The following ITSN2 variants were observed in gnomAD, a reference collection of about 807,000 sequenced individuals.
ITSN2 encodes the protein intersectin 2.
In ITSN2, 156 loss-of-function variants were observed where a neutral mutation model predicts 243.7. That is an observed-to-expected ratio of 0.64 (90% CI 0.56 to 0.73). The LOEUF (loss-of-function observed/expected upper bound fraction) is 0.73, where lower values mean the gene tolerates loss of function less well. ITSN2 is among the 30% of genes least tolerant of loss of function. The probability of loss-of-function intolerance (pLI) is 0.00; values close to 1 mark genes in which losing one functional copy is unlikely to be tolerated. For synonymous variants in ITSN2, 703 were observed against 699.9 expected, an observed-to-expected ratio of 1.00 and a Z score of -0.07; for missense variants, 1,801 against 1,996.1, an observed-to-expected ratio of 0.90 and a Z score of 1.86.
intron 1 of ITSN2, among the ~76,000 whole-genome samples, chr2:24,340,857 G>C (rs927876356): frequency 6.6e-6 from 1 of 152,090 alleles, no homozygotes; most frequent in African/African-American, 2.4e-5. Flanking sequence ...ACATTATCCA[G>C]GGAAAGTACA....
intron 30 of ITSN2, 23 bp from the exon 31 acceptor site, chr2:24,218,036 C>CT: frequency 6.5e-7 from 1 of 1,547,208 alleles, no homozygotes; most frequent in East Asian, 2.2e-5. Flanking sequence ...CATAGAAAAA[C>CT]TAGTTAGCTT....
At position 24,308,654 on chromosome 2, in the gene ITSN2, A is replaced by T. The variant is rs1682859312; in HGVS notation, c.756T>A (p.Phe252Leu). The change falls in exon 8 of 40, where the codon TTT becomes TTA. Residue 252 changes from phenylalanine to leucine, a missense_variant. By Grantham distance (22) the Phe-to-Leu change is conservative (BLOSUM62 0). Coordinates refer to ENST00000355123, the MANE Select transcript of ITSN2 (RefSeq NM_006277.3). ...QPTRLKYRQK[F>L]NTLDKSMSGY... The stretch of plus-strand genomic sequence containing the variant: ...CACTCATACTTTTGTCAAGAGTATT[A>T]AATTTTTGCCGATATTTTAATCTTG... 6.5e-7 allele frequency: 1 copy of T among 1,538,328 alleles called. No individual in the cohort carries two copies. The highest frequency in any genetic ancestry group is 1.4e-5 in the African/African-American group (1 of 72,472).
intron 20 of ITSN2, among the ~76,000 whole-genome samples, chr2:24,264,765 T>C (rs1676445854): frequency 3.5e-4 from 1 of 2,896 alleles, no homozygotes; most frequent in African/African-American, 1.1e-3. Flanking sequence ...TCTGTTCCAT[T>C]GATCTATTTT....
chr2:24,212,738 G>T lies in ITSN2; in HGVS notation c.4001C>A (p.Ser1334Tyr). The T allele has an allele frequency of 6.2e-7, 1 of 1,614,122 alleles. No homozygotes were observed. Among genetic ancestry groups the T allele is most frequent in the Non-Finnish European group, 8.5e-7 (1 of 1,179,956 alleles). ...GGGCATTCCTTTACACCGCGGGTCA[G>T]ATGCCAGCTTCTGCAAAACAACAGT... is the stretch of plus-strand genomic sequence containing the variant. The part of the protein sequence containing the change: ...DFKEFLKKLA[S>Y]DPRCKGMPLS... The change falls in exon 33 of 40, where the codon TCT (serine) becomes TAT (tyrosine). Residue 1334 changes from serine to tyrosine, a missense_variant. Coordinates refer to ENST00000355123, the MANE Select transcript of ITSN2 (RefSeq NM_006277.3).
At chr2:24,207,465 T>C (rs1669015805) in intron 37 of ITSN2, among the ~76,000 whole-genome samples, 3 of 152,040 alleles carry the variant, frequency 2.0e-5, no homozygotes, top group Non-Finnish European at 4.4e-5. Context: ...CAGGTGGTTC[T>C]CTGGAGGGTG....
chr2:24,240,742 T>C (rs768140346), intron 29 of ITSN2: 11 of 152,264 alleles, frequency 7.2e-5, no homozygotes, highest in Admixed American at 3.9e-4. Context: ...TGATTGTATA[T>C]ACACTTTTCC....
intron 1 of ITSN2, among the ~76,000 whole-genome samples, chr2:24,335,371 C>T (rs1686249807): frequency 6.6e-6 from 1 of 152,162 alleles, no homozygotes; most frequent in South Asian, 2.1e-4. Flanking sequence ...ATCACCCTGC[C>T]ACGCAGGCTG....
intron 30 of ITSN2, among the ~76,000 whole-genome samples, chr2:24,220,165 T>C (rs1158846754): frequency 6.6e-6 from 1 of 152,204 alleles, no homozygotes; most frequent in East Asian, 1.9e-4. Context: ...CTCTGCTCCA[T>C]TCAGCTATGA....
chr2:24,225,540 C>T lies in ITSN2; in HGVS notation c.3578-4474G>A, dbSNP rs866387020. Among the ~76,000 whole-genome samples, 2 of 152,134 alleles carry T rather than the reference C, an allele frequency of 1.3e-5. No homozygotes were observed. Among genetic ancestry groups the T allele is most frequent in the African/African-American group, 4.8e-5 (2 of 41,426 alleles). On this transcript the variant is annotated intron_variant, in intron 29 of 39. Coordinates refer to ENST00000355123, the MANE Select transcript of ITSN2 (RefSeq NM_006277.3). This position sits in a 1 kb window ranked among gnomAD's most constrained non-coding sequence, Gnocchi z 4.2. ...GGGAGGCTTTTTTGGAGACTTGAGT[C>T]TGCCTTTCTCAGCCCTTGAGCCTCT... is the stretch of plus-strand genomic sequence containing the variant.
intron 15 of ITSN2, among the ~76,000 whole-genome samples, chr2:24,289,247 C>T (rs1330162734): frequency 6.6e-6 from 1 of 152,170 alleles, no homozygotes; most frequent in Non-Finnish European, 1.5e-5. Flanking sequence ...AATACATGAA[C>T]ATGGAGTATC....
At chr2:24,314,009 T>C (rs938662827) in intron 3 of ITSN2, among the ~76,000 whole-genome samples, 1 of 152,172 alleles carries the variant, frequency 6.6e-6, no homozygotes, top group African/African-American at 2.4e-5. Flanking sequence ...TCTTAACGAA[T>C]CCGGTAACGT....
intron 1 of ITSN2, among the ~76,000 whole-genome samples, chr2:24,342,969 T>G (rs1687182300): frequency 6.6e-6 from 1 of 151,786 alleles, no homozygotes; most frequent in Non-Finnish European, 1.5e-5. Flanking sequence ...CATGTGCCTG[T>G]GGTCCCAAGT....
At chr2:24,348,485 C>T (rs912818698) in intron 1 of ITSN2, among the ~76,000 whole-genome samples, 11 of 152,176 alleles carry the variant, frequency 7.2e-5, no homozygotes, top group Admixed American at 2.6e-4. Context: ...CCACAGCACC[C>T]GGCAGCCCTT....
Position 24,310,620 on chromosome 2 carries a change from G to A in ITSN2, c.425C>T (p.Ser142Phe). ...PPAAPITSLS[S>F]ATSGTNLPPL... ...AGGAAGGTTGGTCCCTGAAGTCGCAGAAGACAATGATGTTATAGGTGCAGC... is the reference window on the plus strand; with the variant it reads ...AGGAAGGTTGGTCCCTGAAGTCGCAAAAGACAATGATGTTATAGGTGCAGC... Residue 142 changes from serine (S) to phenylalanine (F), a missense_variant, in exon 6 of 40, where the codon TCT (serine) becomes TTT (phenylalanine). Physicochemically the swap from Ser to Phe is radical, Grantham distance 155 (BLOSUM62 -2). Around this residue, in one of 5 missense-constraint regions of ITSN2, gnomAD observed 787 missense variants for 803.9 expected, o/e 0.98. Coordinates refer to ENST00000355123, the MANE Select transcript of ITSN2 (RefSeq NM_006277.3). 1 of 1,614,186 alleles carries A rather than the reference G, an allele frequency of 6.2e-7. No individual in the cohort carries two copies. The highest frequency in any genetic ancestry group is 1.1e-5 in the South Asian group (1 of 91,082).
At chr2:24,275,995 G>C in intron 17 of ITSN2, 146 bp from the exon 18 acceptor site, 1 of 547,742 alleles carries the variant, frequency 1.8e-6, no homozygotes, top group East Asian at 3.2e-5. Flanking sequence ...AAAATATCTA[G>C]ATGATAAAAA....
chr2:24,326,979 CT>C (rs1410856837), intron 2 of ITSN2, among the ~76,000 whole-genome samples: 2 of 152,152 alleles, frequency 1.3e-5, no homozygotes, highest in South Asian at 2.1e-4. Flanking sequence ...TTCTTCCCTC[CT>C]TTTTTTAAAT....
chr2:24,308,616 C>T lies in ITSN2; in HGVS notation c.793+1G>A. The T allele has an allele frequency of 2.7e-6, 4 of 1,491,018 alleles. No individual in the cohort carries two copies. The highest frequency in any genetic ancestry group is 2.7e-6 in the Non-Finnish European group (3 of 1,115,734). 92.4% of individuals were successfully genotyped at this position (1,491,018 alleles called of 1,614,324 possible). On this transcript the variant is annotated splice_donor_variant, in intron 8 of 39. Coordinates refer to ENST00000355123, the MANE Select transcript of ITSN2 (RefSeq NM_006277.3). LOFTEE classifies it high-confidence loss of function. The stretch of plus-strand genomic sequence containing the variant: ...GCTCTTCAGCACTGTATGCTGCTTA[C>T]CTGAGAGATATCCACTCATACTTTT...
At chr2:24,323,808 TC>T (rs1047250379) in intron 2 of ITSN2, among the ~76,000 whole-genome samples, 1 of 152,120 alleles carries the variant, frequency 6.6e-6, no homozygotes, top group Non-Finnish European at 1.5e-5. Flanking sequence ...TTCAACCCAA[TC>T]CCAGGGAACA....
intron 29 of ITSN2, among the ~76,000 whole-genome samples, chr2:24,245,514 T>G (rs1389542033): frequency 6.6e-6 from 1 of 152,022 alleles, no homozygotes. Context: ...GGTTTCACCT[T>G]GTTGCCCATG....
Sources: allele counts gnomAD v4.1 joint callset (sites outside exome capture counted in the v4.1 genomes callset), GRCh38; gene constraint gnomAD v4.1.1; regional missense constraint gnomAD v4.1.1; non-coding constraint Gnocchi (gnomAD v3.1); transcripts MANE v1.5; gene names NCBI Gene and HGNC (gene_info 2026-07-23, HGNC 2026-07-21).